The following GLG1 variants were observed in gnomAD, a reference collection of about 807,000 sequenced individuals.
GLG1 encodes the protein Golgi apparatus protein 1.
A neutral mutation model predicts 160.5 loss-of-function variants in GLG1; 38 were observed. That is an observed-to-expected ratio of 0.24 (90% CI 0.18 to 0.31). The LOEUF is 0.31. Ranked by LOEUF, GLG1 falls within the 10% of genes least tolerant of loss-of-function variation. The pLI is 1.00. For synonymous variants in GLG1, 644 were observed against 543.4 expected (o/e 1.19, Z -2.57); for missense variants, 1,373 against 1,505.2 (o/e 0.91, Z 1.45).
intron 21 of GLG1, 46 bp downstream of exon 21, chr16:74,462,442 A>G (rs748518224): frequency 1.3e-6 from 2 of 1,553,600 alleles, no homozygotes; most frequent in South Asian, 2.3e-5. Context: ...TCCCAGGGAC[A>G]GAGGCTCCAT....
In GLG1 at chr16:74,462,125, TC is replaced by T; in HGVS notation, c.3004del (p.Asp1002IlefsTer50). The T allele has an allele frequency of 6.2e-7, 1 of 1,606,754 alleles. No individual in the cohort carries two copies. The highest frequency in any genetic ancestry group is 8.5e-7 in the Non-Finnish European group (1 of 1,173,494). ...IQESALDYRL[D>X]PQLQLHCSDE... ...TGAGCAGTGCAGCTGGAGCTGAGGA[TC>T]CAGGCGGTAGTCCAGGGCGGACTCC... is the stretch of plus-strand genomic sequence containing the variant. On this transcript the variant is annotated frameshift_variant, in exon 22 of 26. Coordinates refer to ENST00000422840, the MANE Select transcript of GLG1 (RefSeq NM_001145667.2). LOFTEE classifies it high-confidence loss of function.
chr16:74,578,416 T>G (rs970500388), intron 1 of GLG1, among the ~76,000 whole-genome samples: 1 of 152,214 alleles, frequency 6.6e-6, no homozygotes, highest in African/African-American at 2.4e-5. Flanking sequence ...CTCTGTCAAG[T>G]GTGTTTTATG....
At chr16:74,545,475 G>T (rs1265026966) in intron 1 of GLG1, among the ~76,000 whole-genome samples, 1 of 152,128 alleles carries the variant, frequency 6.6e-6, no homozygotes. Flanking sequence ...GCCACACCAT[G>T]CCTGACCCAC....
At chr16:74,518,394 C>G (rs190486495) in intron 2 of GLG1, among the ~76,000 whole-genome samples, 2 of 152,240 alleles carry the variant, frequency 1.3e-5, no homozygotes, top group East Asian at 3.9e-4. Flanking sequence ...AAAATATCAC[C>G]AGATGTCTAC....
In GLG1 at chr16:74,490,327, G is replaced by A. The variant is rs999951218; in HGVS notation, c.1449+674C>T. Among the ~76,000 whole-genome samples the A allele has an allele frequency of 7.9e-5, 12 of 152,090 alleles. No homozygotes were observed. In the South Asian group the frequency reaches 1.9e-3, roughly 24 times the overall value. ...TCCCCAAGCAAAGTATGCTAACTGT[G>A]AGGTTTAGTGATAGAAAAAGGACTC... is the stretch of plus-strand genomic sequence containing the variant. On this transcript the variant is annotated intron_variant, in intron 8 of 25. Transcript: ENST00000422840.
At chr16:74,568,830 T>C (rs1244598920) in intron 1 of GLG1, among the ~76,000 whole-genome samples, 9 of 152,222 alleles carry the variant, frequency 5.9e-5, no homozygotes, top group Non-Finnish European at 1.3e-4. Flanking sequence ...CTTCTGGAAG[T>C]GGTTATTTAG....
At chr16:74,542,434 G>A (rs1297261042) in intron 1 of GLG1, among the ~76,000 whole-genome samples, 1 of 152,020 alleles carries the variant, frequency 6.6e-6, no homozygotes, top group Non-Finnish European at 1.5e-5. Flanking sequence ...TTCGGAGGCT[G>A]AGGCGGGCGG....
intron 1 of GLG1, among the ~76,000 whole-genome samples, chr16:74,542,455 G>A (rs1044692447): frequency 1.3e-5 from 2 of 151,916 alleles, no homozygotes; most frequent in Non-Finnish European, 2.9e-5. Context: ...ATCACCTGAG[G>A]TCAGGAGTTC....
Position 74,606,835 on chromosome 16 carries a change from G to A in GLG1, c.260C>T (p.Pro87Leu), listed in dbSNP as rs1958581345. ...QQQQQQQQPQPPQPPFPAGGP... is the reference protein window; with the variant it reads ...QQQQQQQQPQLPQPPFPAGGP... ...ACCCGCCGGGAAAGGCGGCTGCGGC[G>A]GCTGAGGCTGCTGTTGCTGTTGCTG... Residue 87 changes from proline (P) to leucine (L), a missense_variant, in exon 1 of 26, where the codon CCG becomes CTG. Transcript: ENST00000422840. The A allele has an allele frequency of 6.3e-7, 1 of 1,598,672 alleles. No individual in the cohort carries two copies. Among genetic ancestry groups the A allele is most frequent in the Non-Finnish European group, 8.5e-7 (1 of 1,172,896 alleles).
At chr16:74,550,038 G>A (rs1270898560) in intron 1 of GLG1, among the ~76,000 whole-genome samples, 7 of 152,278 alleles carry the variant, frequency 4.6e-5, no homozygotes, top group South Asian at 2.1e-4. Flanking sequence ...GACTGCTTGA[G>A]CTGGGGAAAG....
chr16:74,452,344 C>T lies in GLG1; in HGVS notation c.*823G>A. 1 of 1,379,006 alleles carries T rather than the reference C, an allele frequency of 7.3e-7. No homozygotes were observed. Among genetic ancestry groups the T allele is most frequent in the South Asian group, 1.6e-5 (1 of 64,150 alleles). The allele number at this position is 1,379,006 out of a possible 1,614,324, so 85.4% of individuals were successfully genotyped here. ...GGAAGGTTCCTGGGATCCTGCTGCC[C>T]CGGGACTCAGGATCCAGCCTCTCAG... On this transcript the variant is annotated 3_prime_UTR_variant, in exon 26 of 26. Coordinates refer to ENST00000422840, the MANE Select transcript of GLG1 (RefSeq NM_001145667.2).
chr16:74,530,849 G>A (rs958435728), intron 2 of GLG1, among the ~76,000 whole-genome samples: 26 of 151,752 alleles, frequency 1.7e-4, no homozygotes, highest in African/African-American at 6.3e-4. Context: ...CTCATTTTTT[G>A]CTGAATTTTT....
At chr16:74,584,902 G>A (rs989136012) in intron 1 of GLG1, among the ~76,000 whole-genome samples, 11 of 124,968 alleles carry the variant, frequency 8.8e-5, no homozygotes, top group African/African-American at 3.6e-4. Flanking sequence ...GCGACAGAGC[G>A]AGACTTGTAA....
intron 6 of GLG1, among the ~76,000 whole-genome samples, chr16:74,494,403 C>CA (rs2016108198): frequency 4.3e-5 from 3 of 70,130 alleles, no homozygotes; most frequent in Non-Finnish European, 7.6e-5. Context: ...ATTGAGAAAG[C>CA]TTTTTTTTTT....
intron 1 of GLG1, among the ~76,000 whole-genome samples, chr16:74,541,688 C>A (rs182966671): frequency 3.9e-5 from 6 of 152,248 alleles, no homozygotes; most frequent in Non-Finnish European, 7.4e-5. Flanking sequence ...AAAATCTAAC[C>A]ATTTTAAACA....
chr16:74,523,134 A>G (rs1399945092), intron 2 of GLG1, among the ~76,000 whole-genome samples: 2 of 152,236 alleles, frequency 1.3e-5, no homozygotes, highest in Non-Finnish European at 2.9e-5. Context: ...CACAAGAGAT[A>G]CTTTAAAAGA....
chr16:74,599,581 T>G (rs1029832614), intron 1 of GLG1, among the ~76,000 whole-genome samples: 9 of 151,504 alleles, frequency 5.9e-5, no homozygotes, highest in African/African-American at 1.5e-4. Flanking sequence ...TAGCCAAGCC[T>G]CGGCCGGACA....
At chr16:74,513,765 GA>G (rs1337346861) in intron 2 of GLG1, among the ~76,000 whole-genome samples, 1 of 152,136 alleles carries the variant, frequency 6.6e-6, no homozygotes, top group Admixed American at 6.5e-5. Context: ...ACCAGCAAGG[GA>G]ACAAAACTGG....
chr16:74,465,791 T>C lies in GLG1; in HGVS notation c.2552A>G (p.Asn851Ser), dbSNP rs748323382. The change falls in exon 19 of 26, where the codon AAC becomes AGC. Residue 851 changes from asparagine (N) to serine (S), a missense_variant. Physicochemically the swap from Asn to Ser is conservative, Grantham distance 46 (BLOSUM62 1). Coordinates refer to ENST00000422840, the MANE Select transcript of GLG1 (RefSeq NM_001145667.2). Reference protein sequence around the residue: ...NAQIIECLKENKKQLSTRCHQ... With the variant: ...NAQIIECLKESKKQLSTRCHQ... ...GCAGCGGGTGCTTAGCTGCTTCTTG[T>C]TTTCTTTCAGACATTCGATAATCTA... is the stretch of plus-strand genomic sequence containing the variant. 1.9e-6 allele frequency: 3 copies of C among 1,613,866 alleles called. No individual in the cohort carries two copies. In the East Asian group the frequency reaches 6.7e-5, roughly 36 times the overall value.
Sources: allele counts gnomAD v4.1 joint callset (sites outside exome capture counted in the v4.1 genomes callset), GRCh38; gene constraint gnomAD v4.1.1; transcripts MANE v1.5; gene names NCBI Gene and HGNC (gene_info 2026-07-23, HGNC 2026-07-21).